Variants in DDR2 observed in about 807,000 individuals in gnomAD.
DDR2 encodes the protein discoidin domain receptor tyrosine kinase 2.
DDR2 carries 27 observed loss-of-function variants against 94.9 expected under a neutral mutation model. That is an observed-to-expected ratio of 0.28 (90% CI 0.21 to 0.39). The LOEUF is 0.39. DDR2 is among the 10% of genes least tolerant of loss of function. The pLI is 1.00. For synonymous variants in DDR2, 382 were observed against 377.2 expected, an observed-to-expected ratio of 1.01 and a Z score of -0.15; for missense variants, 783 against 1,076.0, an observed-to-expected ratio of 0.73 and a Z score of 3.81.
intron 3 of DDR2, among the ~76,000 whole-genome samples, chr1:162,729,300 A>ATATATT (rs1416872679): frequency 1.1e-5 from 1 of 94,016 alleles, no homozygotes; most frequent in African/African-American, 5.3e-5. Flanking sequence ...ATATATATAT[A>ATATATT]TTTTTTTTTT....
At chr1:162,674,598 G>A (rs906666950) in intron 2 of DDR2, among the ~76,000 whole-genome samples, 2 of 152,178 alleles carry the variant, frequency 1.3e-5, no homozygotes, top group African/African-American at 4.8e-5. Flanking sequence ...TTTGGTGAAA[G>A]CAGCTCACCC....
chr1:162,645,174 A>G (rs1156249216), intron 1 of DDR2, among the ~76,000 whole-genome samples: 2 of 152,206 alleles, frequency 1.3e-5, no homozygotes, highest in African/African-American at 4.8e-5. Flanking sequence ...CTTCTTCAAG[A>G]GAGACAGGTG....
At chr1:162,735,571 C>A (rs74322991) in intron 3 of DDR2, among the ~76,000 whole-genome samples, 3,031 of 152,202 alleles carry the variant, frequency 0.02, 83 homozygotes, top group African/African-American at 0.059. Context: ...GATCACAGCT[C>A]TAAATGGTAA....
intron 2 of DDR2, among the ~76,000 whole-genome samples, chr1:162,702,712 T>C (rs914181338): frequency 2.6e-5 from 4 of 152,238 alleles, no homozygotes; most frequent in African/African-American, 9.6e-5. Context: ...AGAAGGATCA[T>C]AATGTTAGAG....
intron 2 of DDR2, among the ~76,000 whole-genome samples, chr1:162,668,746 C>T (rs1361485151): frequency 6.6e-6 from 1 of 152,162 alleles, no homozygotes; most frequent in African/African-American, 2.4e-5. Flanking sequence ...TCTGCAAAGA[C>T]CCTAGTTTCA....
intron 16 of DDR2, 135 bp from the exon 17 acceptor site, chr1:162,778,445 C>T: frequency 9.5e-7 from 1 of 1,051,358 alleles, no homozygotes; most frequent in Middle Eastern, 2.0e-4. Context: ...TCTAAATACT[C>T]CATGCACATC....
At chr1:162,640,367 A>AT (rs1657069438) in intron 1 of DDR2, among the ~76,000 whole-genome samples, 1 of 152,100 alleles carries the variant, frequency 6.6e-6, no homozygotes, top group Non-Finnish European at 1.5e-5. Flanking sequence ...ATCACAGACC[A>AT]TTAGGTTTAT....
chr1:162,678,453 A>G (rs1245005898), intron 2 of DDR2, among the ~76,000 whole-genome samples: 1 of 152,200 alleles, frequency 6.6e-6, no homozygotes, highest in Non-Finnish European at 1.5e-5. Context: ...TATCTCTTTC[A>G]AATACATCCT....
At chr1:162,631,376 C>G (rs1260887784), upstream of DDR2, 1 of 152,162 alleles carries the variant, frequency 6.6e-6, no homozygotes, top group African/African-American at 2.4e-5. Flanking sequence ...TAACTACAAA[C>G]AGAGAAGAGC....
chr1:162,674,811 A>G (rs1236121365), intron 2 of DDR2, among the ~76,000 whole-genome samples: 1 of 152,170 alleles, frequency 6.6e-6, no homozygotes, highest in Non-Finnish European at 1.5e-5. Flanking sequence ...GACCTCTTTA[A>G]CTGGGAGGGA....
At chr1:162,719,788 G>A (rs980795415) in intron 3 of DDR2, among the ~76,000 whole-genome samples, 1 of 151,986 alleles carries the variant, frequency 6.6e-6, no homozygotes, top group African/African-American at 2.4e-5. Flanking sequence ...GCATTTATTT[G>A]GCTCCTAGCT....
At chr1:162,747,743 C>T (rs1356149292) in intron 3 of DDR2, among the ~76,000 whole-genome samples, 3 of 152,144 alleles carry the variant, frequency 2.0e-5, no homozygotes, top group South Asian at 2.1e-4. Flanking sequence ...TTAAGGGTAG[C>T]CAGAGAGAAA....
chr1:162,725,738 A>G (rs147924341), intron 3 of DDR2, among the ~76,000 whole-genome samples: 22 of 152,344 alleles, frequency 1.4e-4, no homozygotes, highest in Non-Finnish European at 2.4e-4. Context: ...GAGGAAACCC[A>G]GATTCATGGA....
At chr1:162,763,453 C>A (rs1356074133) in intron 9 of DDR2, among the ~76,000 whole-genome samples, 2 of 142,146 alleles carry the variant, frequency 1.4e-5, no homozygotes, top group East Asian at 2.2e-4. Context: ...GCCGCCTAGG[C>A]CTCCCAAAGT....
intron 2 of DDR2, among the ~76,000 whole-genome samples, chr1:162,669,560 G>A (rs563477297): frequency 1.3e-4 from 20 of 152,238 alleles, no homozygotes; most frequent in African/African-American, 4.6e-4. Flanking sequence ...AATTGTATCA[G>A]CAACAATAAC....
intron 1 of DDR2, among the ~76,000 whole-genome samples, chr1:162,652,463 A>G (rs1038328295): frequency 1.3e-5 from 2 of 152,176 alleles, no homozygotes; most frequent in Admixed American, 1.3e-4. Flanking sequence ...TGTTTGGAAA[A>G]GAAAAATGCT....
At chr1:162,658,892 G>A (rs1319323432) in intron 2 of DDR2, among the ~76,000 whole-genome samples, 1 of 150,880 alleles carries the variant, frequency 6.6e-6, no homozygotes, top group Admixed American at 6.6e-5. Flanking sequence ...ACCAAGGGCT[G>A]ACATGGACAA....
At chr1:162,719,636 G>A (rs1372600843) in intron 3 of DDR2, among the ~76,000 whole-genome samples, 2 of 152,088 alleles carry the variant, frequency 1.3e-5, no homozygotes, top group Non-Finnish European at 2.9e-5. Flanking sequence ...AGATAGGTTA[G>A]GAGAATCTTT....
At chr1:162,719,198 C>T (rs1167946843) in intron 3 of DDR2, 53 bp downstream of exon 3, 1 of 1,612,418 alleles carries the variant, frequency 6.2e-7, no homozygotes, top group Non-Finnish European at 8.5e-7. Context: ...AATGTTTAAA[C>T]CCATCAATGT....
Sources: allele counts gnomAD v4.1 joint callset (sites outside exome capture counted in the v4.1 genomes callset), GRCh38; gene constraint gnomAD v4.1.1; transcripts MANE v1.5; gene names NCBI Gene and HGNC (gene_info 2026-07-23, HGNC 2026-07-21).